Variants in C1QTNF7 observed in about 807,000 individuals in gnomAD.
C1QTNF7 encodes C1q and TNF related 7.
Under a neutral mutation model 19.6 loss-of-function variants are expected in C1QTNF7, and 15 were observed. That is an observed-to-expected ratio of 0.76 (90% CI 0.51 to 1.18). The LOEUF (loss-of-function observed/expected upper bound fraction) is 1.18, where lower values mean the gene tolerates loss of function less well. C1QTNF7 is among the 50% of genes most tolerant of loss of function. The probability of loss-of-function intolerance (pLI) is 0.00; values close to 1 mark genes in which losing one functional copy is unlikely to be tolerated. For synonymous variants in C1QTNF7, 142 were observed against 137.5 expected, an observed-to-expected ratio of 1.03 and a Z score of -0.23; for missense variants, 324 against 359.7, an observed-to-expected ratio of 0.90 and a Z score of 0.80.
chr4:15,348,993 C>T (rs1716808248), intron 1 of C1QTNF7, among the ~76,000 whole-genome samples: 1 of 152,142 alleles, frequency 6.6e-6, no homozygotes, highest in African/African-American at 2.4e-5. Context: ...CTCCCAACAC[C>T]CCTAGAAGGT....
intron 1 of C1QTNF7, chr4:15,374,591 C>A (rs73799819): frequency 0.056 from 54,710 of 985,318 alleles, 2,034 homozygotes; most frequent in African/African-American, 0.17. Context: ...TCTCTGCCAC[C>A]GCTCAAAGCC....
At chr4:15,422,901 G>A (rs1000610522) in intron 1 of C1QTNF7, among the ~76,000 whole-genome samples, 24 of 152,152 alleles carry the variant, frequency 1.6e-4, no homozygotes, top group African/African-American at 4.1e-4. Flanking sequence ...GAGCCACCAC[G>A]TCTGGCCAAC....
chr4:15,361,803 T>C (rs2109299299), intron 1 of C1QTNF7, among the ~76,000 whole-genome samples: 1 of 152,330 alleles, frequency 6.6e-6, no homozygotes, highest in South Asian at 2.1e-4. Flanking sequence ...GGCATTGCTA[T>C]GTATGAGTAG....
chr4:15,345,510 T>C (rs116502383), intron 1 of C1QTNF7, among the ~76,000 whole-genome samples: 166 of 152,272 alleles, frequency 1.1e-3, no homozygotes, highest in African/African-American at 3.9e-3. Context: ...GCATATACTC[T>C]TGGGCTTGGA....
intron 1 of C1QTNF7, among the ~76,000 whole-genome samples, chr4:15,431,476 G>A (rs1321827096): frequency 6.6e-6 from 1 of 152,128 alleles, no homozygotes; most frequent in Non-Finnish European, 1.5e-5. Flanking sequence ...TTTATGAAAT[G>A]TACATGTATT....
chr4:15,425,192 G>A (rs1283588955), upstream of C1QTNF7, among the ~76,000 whole-genome samples: 1 of 151,990 alleles, frequency 6.6e-6, no homozygotes, highest in Admixed American at 6.6e-5. Flanking sequence ...GAGCCTGGCT[G>A]CCCATTGGAA....
intron 1 of C1QTNF7, among the ~76,000 whole-genome samples, chr4:15,412,661 C>T (rs1459460260): frequency 6.6e-6 from 1 of 152,186 alleles, no homozygotes; most frequent in Admixed American, 6.5e-5. Flanking sequence ...ATGGTAAACA[C>T]ACTCACAGGT....
upstream of C1QTNF7, among the ~76,000 whole-genome samples, chr4:15,427,149 G>T (rs1712087763): frequency 6.6e-6 from 1 of 152,198 alleles, no homozygotes; most frequent in African/African-American, 2.4e-5. Context: ...AATCTCGTTG[G>T]TCAAGTGTGT....
chr4:15,427,562 T>C (rs1008579106), upstream of C1QTNF7, among the ~76,000 whole-genome samples: 2 of 152,208 alleles, frequency 1.3e-5, no homozygotes, highest in African/African-American at 4.8e-5. Context: ...TGAGGGGCTA[T>C]TTTCCTGCCA....
intron 1 of C1QTNF7, among the ~76,000 whole-genome samples, chr4:15,342,367 T>C (rs1716577150): frequency 6.6e-6 from 1 of 152,172 alleles, no homozygotes; most frequent in Non-Finnish European, 1.5e-5. Context: ...TAGGGATCAA[T>C]GGCTGATGGG....
At chr4:15,435,362 T>C (rs1712486594) in intron 1 of C1QTNF7, among the ~76,000 whole-genome samples, 1 of 152,210 alleles carries the variant, frequency 6.6e-6, no homozygotes, top group Admixed American at 6.5e-5. Context: ...ATAATGTTGA[T>C]GTTTATCTTT....
intron 1 of C1QTNF7, among the ~76,000 whole-genome samples, chr4:15,369,009 T>G (rs1025516388): frequency 6.6e-6 from 1 of 152,208 alleles, no homozygotes; most frequent in African/African-American, 2.4e-5. Context: ...AGAAAAAAAT[T>G]GAGTTACAGC....
At chr4:15,356,901 G>A (rs781095637) in intron 1 of C1QTNF7, among the ~76,000 whole-genome samples, 3 of 150,320 alleles carry the variant, frequency 2.0e-5, no homozygotes, top group African/African-American at 4.9e-5. Context: ...TCTCTTTTGA[G>A]AAGTGTCTGT....
intron 1 of C1QTNF7, among the ~76,000 whole-genome samples, chr4:15,401,544 G>C (rs1372838371): frequency 6.6e-6 from 1 of 152,156 alleles, no homozygotes; most frequent in African/African-American, 2.4e-5. Context: ...ATTGCAAGAG[G>C]GGGGAAACAA....
chr4:15,410,682 C>A (rs1401733659), intron 1 of C1QTNF7, among the ~76,000 whole-genome samples: 1 of 152,080 alleles, frequency 6.6e-6, no homozygotes, highest in Non-Finnish European at 1.5e-5. Flanking sequence ...AATTGGCTAG[C>A]CTTCAGTTTT....
chr4:15,397,737 A>C (rs1327962595), intron 1 of C1QTNF7, among the ~76,000 whole-genome samples: 1 of 152,236 alleles, frequency 6.6e-6, no homozygotes, highest in Non-Finnish European at 1.5e-5. Context: ...AGAAATAAAA[A>C]AGAGCAACAT....
intron 1 of C1QTNF7, among the ~76,000 whole-genome samples, chr4:15,395,565 G>A (rs754421273): frequency 3.3e-5 from 5 of 152,178 alleles, no homozygotes; most frequent in Non-Finnish European, 7.4e-5. Context: ...CCAGTTAAAA[G>A]AGGCCAGTAT....
chr4:15,436,705 T>G (rs2108939209), intron 2 of C1QTNF7, among the ~76,000 whole-genome samples: 1 of 152,336 alleles, frequency 6.6e-6, no homozygotes, highest in South Asian at 2.1e-4. Flanking sequence ...CTTGCCAGAT[T>G]CTGCAGTCCT....
chr4:15,359,631 G>A (rs1324652278), intron 1 of C1QTNF7, among the ~76,000 whole-genome samples: 2 of 152,006 alleles, frequency 1.3e-5, no homozygotes, highest in Non-Finnish European at 2.9e-5. Flanking sequence ...CCAAAAACAG[G>A]GTGCTCAAAG....
Sources: gnomAD v4.1 joint callset for allele counts (sites outside exome capture counted in the v4.1 genomes callset) on GRCh38, gnomAD v4.1.1 for gene constraint, MANE v1.5 for transcripts, NCBI Gene and HGNC (gene_info 2026-07-23, HGNC 2026-07-21) for gene names.